The following PUM1 variants were observed in gnomAD, a reference collection of about 807,000 sequenced individuals.
PUM1 encodes pumilio RNA binding family member 1, also known as pumilio homolog 1.
In PUM1, 13 loss-of-function variants were observed where a neutral mutation model predicts 131.8. That is an observed-to-expected ratio of 0.10 (90% CI 0.06 to 0.16). PUM1 has a LOEUF of 0.16. Among genes scored for constraint, PUM1 ranks in the 10% least tolerant of loss-of-function variants. The pLI, the probability that PUM1 is intolerant of heterozygous loss-of-function variation, is 1.00. For synonymous variants in PUM1, 509 were observed against 556.5 expected (o/e 0.91, Z 1.20); for missense variants, 961 against 1,512.4 (o/e 0.64, Z 6.05).
chr1:31,064,122 C>G (rs1644428862), intron 1 of PUM1, among the ~76,000 whole-genome samples: 1 of 152,128 alleles, frequency 6.6e-6, no homozygotes, highest in African/African-American at 2.4e-5. Context: ...GAGTTGAATT[C>G]AAAGGAACAC....
chr1:31,032,123 A>T (rs972620548), intron 2 of PUM1, among the ~76,000 whole-genome samples: 8 of 152,178 alleles, frequency 5.3e-5, no homozygotes, highest in Non-Finnish European at 7.3e-5. Flanking sequence ...CCAGTCACCC[A>T]CGTTGACTAC....
chr1:30,964,502 A>G (rs1640544540), intron 14 of PUM1, among the ~76,000 whole-genome samples, 172 bp downstream of exon 14: 1 of 152,252 alleles, frequency 6.6e-6, no homozygotes, highest in African/African-American at 2.4e-5. Context: ...CAAAACTGCT[A>G]TACTATCTAT....
intron 7 of PUM1, among the ~76,000 whole-genome samples, chr1:30,984,337 T>C (rs113403701): frequency 3.8e-4 from 58 of 152,306 alleles, no homozygotes; most frequent in African/African-American, 1.3e-3. Context: ...AATTGGGTAA[T>C]TGGCAAGTGA....
At chr1:31,040,357 C>A (rs1360321881) in intron 2 of PUM1, among the ~76,000 whole-genome samples, 1 of 152,168 alleles carries the variant, frequency 6.6e-6, no homozygotes, top group East Asian at 1.9e-4. Context: ...AGGCACCCAA[C>A]CTTGGAGAAA....
intron 1 of PUM1, among the ~76,000 whole-genome samples, chr1:31,063,801 G>A (rs1427070275): frequency 2.6e-5 from 4 of 152,150 alleles, no homozygotes; most frequent in Non-Finnish European, 5.9e-5. Flanking sequence ...AAGACTTCCT[G>A]CTTTACCTAA....
chr1:31,065,687 A>G lies in PUM1; in HGVS notation c.-83T>C. The G allele has an allele frequency of 6.5e-7, 1 of 1,547,190 alleles. No homozygotes were observed. Among genetic ancestry groups the G allele is most frequent in the Non-Finnish European group, 8.7e-7 (1 of 1,146,264 alleles). On this transcript the variant is annotated 5_prime_UTR_variant, in exon 1 of 22. Coordinates refer to ENST00000426105, the MANE Select transcript of PUM1 (RefSeq NM_001020658.2). ...CTCTCTGGCGCTCTCGCTCCCCCTT[A>G]CCTTTCACTCCGACAACATGGCGGC...
At chr1:31,021,252 G>C (rs1434505051) in intron 3 of PUM1, among the ~76,000 whole-genome samples, 1 of 152,144 alleles carries the variant, frequency 6.6e-6, no homozygotes, top group Non-Finnish European at 1.5e-5. Flanking sequence ...CAGACAGCCT[G>C]AATATATGCT....
intron 2 of PUM1, among the ~76,000 whole-genome samples, chr1:31,057,915 C>G (rs924380826): frequency 6.6e-6 from 1 of 151,980 alleles, no homozygotes; most frequent in Non-Finnish European, 1.5e-5. Context: ...TGAACCTTTC[C>G]AAATTCAACC....
intron 10 of PUM1, chr1:30,973,103 T>C: frequency 5.1e-6 from 1 of 194,942 alleles, no homozygotes. Context: ...TTTTAACAGA[T>C]CACTCATTCT....
At chr1:31,036,386 G>A (rs1408086411) in intron 2 of PUM1, among the ~76,000 whole-genome samples, 4 of 151,946 alleles carry the variant, frequency 2.6e-5, no homozygotes, top group African/African-American at 9.7e-5. Flanking sequence ...AGCTCTTTAT[G>A]CCTTTTACCA....
chr1:30,941,833 C>G (rs1377371508), intron 19 of PUM1, 165 bp downstream of exon 19: 19 of 757,094 alleles, frequency 2.5e-5, no homozygotes, highest in Non-Finnish European at 3.4e-5. Flanking sequence ...TACCCATATT[C>G]ATAAAACACA....
chr1:30,946,418 C>G (rs1337345785), intron 17 of PUM1, among the ~76,000 whole-genome samples: 1 of 151,142 alleles, frequency 6.6e-6, no homozygotes, highest in Non-Finnish European at 1.5e-5. Flanking sequence ...GTGGGCAGAT[C>G]ACAAGGTCAG....
At chr1:30,949,018 T>G in intron 17 of PUM1, 1 of 449,842 alleles carries the variant, frequency 2.2e-6, no homozygotes, top group East Asian at 6.8e-5. Context: ...ACTTATCACT[T>G]TAAAAACTTT....
At chr1:31,007,498 C>T (rs949784703) in intron 3 of PUM1, among the ~76,000 whole-genome samples, 3 of 152,184 alleles carry the variant, frequency 2.0e-5, no homozygotes, top group Non-Finnish European at 4.4e-5. Context: ...TCTCTCTATA[C>T]GTGTACTAAC....
intron 17 of PUM1, among the ~76,000 whole-genome samples, chr1:30,948,129 T>TAA (rs893783481): frequency 9.9e-5 from 15 of 152,058 alleles, no homozygotes; most frequent in Non-Finnish European, 2.1e-4. Context: ...ATTACAGGCA[T>TAA]AAGCCACTGT....
intron 9 of PUM1, among the ~76,000 whole-genome samples, chr1:30,978,930 C>T (rs1486250709): frequency 6.6e-6 from 1 of 152,074 alleles, no homozygotes; most frequent in Non-Finnish European, 1.5e-5. Flanking sequence ...GCTGGCGAGA[C>T]CACCCCATCT....
At chr1:30,997,389 T>C (rs893924599) in intron 5 of PUM1, among the ~76,000 whole-genome samples, 1 of 151,772 alleles carries the variant, frequency 6.6e-6, no homozygotes, top group Non-Finnish European at 1.5e-5. Flanking sequence ...TCCCAGCTAC[T>C]CGGGAGGCTG....
intron 14 of PUM1, among the ~76,000 whole-genome samples, chr1:30,959,411 G>GTA (rs1184321086): frequency 6.6e-6 from 1 of 152,108 alleles, no homozygotes; most frequent in Non-Finnish European, 1.5e-5. Context: ...AAAGTAAGAT[G>GTA]TATATCTGGA....
At chr1:30,991,565 T>C (rs1228919336) in intron 7 of PUM1, among the ~76,000 whole-genome samples, 1 of 152,182 alleles carries the variant, frequency 6.6e-6, no homozygotes, top group Non-Finnish European at 1.5e-5. Context: ...CTTTCAAACC[T>C]AGAAGTCTGC....
Sources: gnomAD v4.1 joint callset for allele counts (sites outside exome capture counted in the v4.1 genomes callset) on GRCh38, gnomAD v4.1.1 for gene constraint, MANE v1.5 for transcripts, NCBI Gene and HGNC (gene_info 2026-07-23, HGNC 2026-07-21) for gene names.